NCOA6: variants seen among roughly 807,000 people sequenced by gnomAD.
NCOA6 encodes the protein nuclear receptor coactivator 6, also known as NRC RAP250.
A neutral mutation model predicts 171.4 loss-of-function variants in NCOA6; 49 were observed. That is an observed-to-expected ratio of 0.29 (90% CI 0.23 to 0.36). The LOEUF is 0.36. Ranked by LOEUF, NCOA6 falls within the 10% of genes least tolerant of loss-of-function variation. The pLI is 1.00. For missense variants in NCOA6, 2,248 were observed against 2,554.5 expected, an observed-to-expected ratio of 0.88 and a Z score of 2.59; for synonymous variants, 910 against 927.5, an observed-to-expected ratio of 0.98 and a Z score of 0.34.
At chr20:34,813,256 A>T (rs6119529) in intron 1 of NCOA6, among the ~76,000 whole-genome samples, 1 of 151,416 alleles carries the variant, frequency 6.6e-6, no homozygotes, top group Non-Finnish European at 1.5e-5. Flanking sequence ...ACTTTAGGTC[A>T]GGAGTTCGAG....
rs1250293254 is a variant in NCOA6 at position 34,715,052 on chromosome 20, T to A, written c.*270A>T. On this transcript the variant is annotated 3_prime_UTR_variant, in exon 15 of 15. Coordinates refer to ENST00000359003, the MANE Select transcript of NCOA6 (RefSeq NM_014071.5). Reference sequence around the variant, plus strand: ...TGTACTCTAGGCTGCTTAGGAAATGTGAAAACTAGTAACATTTATAATGGC... The same window carrying A: ...TGTACTCTAGGCTGCTTAGGAAATGAGAAAACTAGTAACATTTATAATGGC... 4.9e-6 allele frequency: 2 copies of A among 405,618 alleles called. No homozygotes were observed. Among genetic ancestry groups the A allele is most frequent in the Admixed American group, 7.5e-5 (2 of 26,526 alleles). 25.1% of individuals were successfully genotyped at this position (405,618 alleles called of 1,614,324 possible). A position where few individuals can be genotyped will look rare whatever the true frequency, so the allele number is the denominator to read the frequency against.
At position 34,740,927 on chromosome 20, in the gene NCOA6, T is replaced by C. The variant is rs969291384; in HGVS notation, c.5329A>G (p.Thr1777Ala). The change falls in exon 11 of 15, where the codon ACC becomes GCC. Residue 1777 changes from threonine to alanine, a missense_variant. Coordinates refer to ENST00000359003, the MANE Select transcript of NCOA6 (RefSeq NM_014071.5). ...NPDEASPQVN[T>A]SADQNTLPSS... ...GGAAGAGTGTTCTGATCTGCTGAGG[T>C]GTTCACCTGAGGGCTAGCCTCATCT... The C allele has an allele frequency of 1.2e-6, 2 of 1,614,112 alleles. No individual in the cohort carries two copies. The highest frequency in any genetic ancestry group is 2.7e-5 in the African/African-American group (2 of 75,026).
At chr20:34,769,791 A>G (rs547453320) in intron 4 of NCOA6, among the ~76,000 whole-genome samples, 2 of 152,348 alleles carry the variant, frequency 1.3e-5, no homozygotes, top group South Asian at 4.1e-4. Flanking sequence ...GTCCAATGAT[A>G]AAAACGTCTC....
intron 1 of NCOA6, among the ~76,000 whole-genome samples, chr20:34,818,903 GTTC>G (rs934278291): frequency 2.6e-5 from 4 of 152,170 alleles, no homozygotes; most frequent in South Asian, 2.1e-4. Context: ...AGTAAAAAGA[GTTC>G]TTCTACAGTA....
intron 9 of NCOA6, among the ~76,000 whole-genome samples, chr20:34,748,892 C>T (rs942431803): frequency 2.0e-5 from 3 of 152,180 alleles, no homozygotes; most frequent in Non-Finnish European, 4.4e-5. Flanking sequence ...CAATAGCCAT[C>T]ATAAGCCTAA....
At chr20:34,810,839 C>T (rs1054947084) in intron 1 of NCOA6, among the ~76,000 whole-genome samples, 1 of 152,062 alleles carries the variant, frequency 6.6e-6, no homozygotes, top group Non-Finnish European at 1.5e-5. Flanking sequence ...CCACCGTGCC[C>T]GGACTCTGTG....
intron 13 of NCOA6, among the ~76,000 whole-genome samples, chr20:34,729,882 A>T (rs918793279): frequency 1.3e-5 from 2 of 152,112 alleles, no homozygotes; most frequent in Non-Finnish European, 2.9e-5. Flanking sequence ...AGCTTTATGT[A>T]TAACAGCCGC....
intron 2 of NCOA6, among the ~76,000 whole-genome samples, chr20:34,787,123 A>G (rs2077708690): frequency 1.8e-5 from 1 of 55,948 alleles, no homozygotes; most frequent in African/African-American, 7.3e-5. Flanking sequence ...CAAATTTATG[A>G]AAAAAAAAAA....
chr20:34,757,623 T>C lies in NCOA6; in HGVS notation c.1125A>G (p.Pro375=), dbSNP rs746554247. Residue 375 remains proline (P), a synonymous_variant, in exon 7 of 15, where the codon CCA becomes CCG. Coordinates refer to ENST00000359003, the MANE Select transcript of NCOA6 (RefSeq NM_014071.5). The part of the protein sequence containing the change: ...TVQTPSHPPP[P]YPFGSQQASQ... ...AGGCTTGCTGGCTGCCAAAGGGATA[T>C]GGAGGGGGAGGGTGGGAAGGCGTCT... The C allele has an allele frequency of 3.1e-6, 5 of 1,613,286 alleles. No individual in the cohort carries two copies. The highest frequency in any genetic ancestry group is 3.4e-6 in the Non-Finnish European group (4 of 1,179,574).
intron 1 of NCOA6, among the ~76,000 whole-genome samples, chr20:34,812,135 C>T (rs935184924): frequency 1.3e-5 from 2 of 151,972 alleles, no homozygotes; most frequent in African/African-American, 4.8e-5. Context: ...TGCCTGTAGT[C>T]CCAGCTACTT....
chr20:34,788,677 G>T (rs748574582), intron 2 of NCOA6, among the ~76,000 whole-genome samples: 2 of 152,162 alleles, frequency 1.3e-5, no homozygotes, highest in Non-Finnish European at 2.9e-5. Flanking sequence ...TGAAGATTAA[G>T]TAAACAGCCT....
chr20:34,814,428 C>T (rs4911161), intron 1 of NCOA6, among the ~76,000 whole-genome samples: 90,781 of 151,868 alleles, frequency 0.6, 27,513 homozygotes, highest in South Asian at 0.76. Flanking sequence ...CTTTGGTTGT[C>T]ATATATCCAT....
chr20:34,735,328 G>T (rs567916800), intron 12 of NCOA6, among the ~76,000 whole-genome samples: 134 of 152,152 alleles, frequency 8.8e-4, no homozygotes, highest in African/African-American at 3.1e-3. Context: ...GGTATCATGT[G>T]GGCAATTGGC....
rs775371475 is a variant in NCOA6, at chr20:34,742,881, T to A, written c.3375A>T (p.Pro1125=). Residue 1125 remains proline (P), a synonymous_variant, in exon 11 of 15, where the codon CCA becomes CCT. Transcript: ENST00000359003. The part of the protein sequence containing the change: ...QESPQNPSSS[P]LAEMASLPEA... Reference sequence around the variant, plus strand: ...CAGGGAGTGAGGCCATCTCCGCCAGTGGCGAGCTGGAAGGATTCTGCGGGC... The same window carrying A: ...CAGGGAGTGAGGCCATCTCCGCCAGAGGCGAGCTGGAAGGATTCTGCGGGC... 7 of 1,614,244 alleles carry A rather than the reference T, an allele frequency of 4.3e-6. No homozygotes were observed. Among genetic ancestry groups the A allele is most frequent in the Non-Finnish European group, 5.9e-6 (7 of 1,180,040 alleles).
intron 1 of NCOA6, among the ~76,000 whole-genome samples, chr20:34,810,342 T>C (rs2078610032): frequency 6.6e-6 from 1 of 152,174 alleles, no homozygotes; most frequent in African/African-American, 2.4e-5. Context: ...GTAAATATGT[T>C]GATATTATTA....
rs755616584 is a variant in NCOA6 at position 34,715,130 on chromosome 20, G to A, written c.*192C>T. On this transcript the variant is annotated 3_prime_UTR_variant, in exon 15 of 15. Coordinates refer to ENST00000359003, the MANE Select transcript of NCOA6 (RefSeq NM_014071.5). ...TTTTAGAAACCTTGAACTTCAACTC[G>A]CAACACCAAAAGGGCTCAACAGTCC... 19 of 603,830 alleles carry A rather than the reference G, an allele frequency of 3.1e-5. No homozygotes were observed. The highest frequency in any genetic ancestry group is 4.3e-5 in the Non-Finnish European group (15 of 350,048). The allele number at this position is 603,830 out of a possible 1,614,324, so 37.4% of individuals were successfully genotyped here.
At position 34,749,301 on chromosome 20, in the gene NCOA6, T is replaced by C. The variant is rs191899726; in HGVS notation, c.2792+102A>G. ...TAATTATTGAAGCAGGGGGATTTCA[T>C]TATACTATTCTAGTTTTATATTCTG... On this transcript the variant is annotated intron_variant, in intron 9 of 14. Coordinates refer to ENST00000359003, the MANE Select transcript of NCOA6 (RefSeq NM_014071.5). 1.3e-3 allele frequency: 1,793 copies of C among 1,331,954 alleles called. 2 individuals carry two copies. Among genetic ancestry groups the C allele is most frequent in the Admixed American group, 1.9e-3 (84 of 44,224 alleles). The allele number at this position is 1,331,954 out of a possible 1,614,324, so 82.5% of individuals were successfully genotyped here. A position where few individuals can be genotyped will look rare whatever the true frequency, so the allele number is the denominator to read the frequency against.
chr20:34,735,010 C>A (rs2075905603), intron 12 of NCOA6, among the ~76,000 whole-genome samples: 1 of 152,140 alleles, frequency 6.6e-6, no homozygotes, highest in South Asian at 2.1e-4. Context: ...ACTATCACTG[C>A]TGATTCACAA....
In NCOA6 at chr20:34,750,473, G is replaced by A. The variant is rs202126098; in HGVS notation, c.1722C>T (p.His574=). 390 of 1,612,962 alleles carry A rather than the reference G, an allele frequency of 2.4e-4. 1 individual carries two copies. Among genetic ancestry groups the A allele is most frequent in the Middle Eastern group, 2.1e-3 (13 of 6,056 alleles). The change falls in exon 9 of 15, where the codon CAC becomes CAT. Residue 574 remains histidine (H), a synonymous_variant. Coordinates refer to ENST00000359003, the MANE Select transcript of NCOA6 (RefSeq NM_014071.5). ...TGGGCTGCATCATATTTGGCGGCCCGTGGGACACCTGCATCTGGTTTTGAG... is the reference window on the plus strand; with the variant it reads ...TGGGCTGCATCATATTTGGCGGCCCATGGGACACCTGCATCTGGTTTTGAG... ...GPPQNQMQVS[H]GPPNMMQPSL...
Sources: gnomAD v4.1 joint callset for allele counts (sites outside exome capture counted in the v4.1 genomes callset) on GRCh38, gnomAD v4.1.1 for gene constraint, MANE v1.5 for transcripts, NCBI Gene and HGNC (gene_info 2026-07-23, HGNC 2026-07-21) for gene names.